Variants in DOK7 observed in about 807,000 individuals in gnomAD.
The protein encoded by DOK7 is docking protein 7.
Under a neutral mutation model 30.7 loss-of-function variants are expected in DOK7, and 32 were observed. The observed-to-expected ratio is 1.04, with a 90% confidence interval of 0.79 to 1.40. The LOEUF (loss-of-function observed/expected upper bound fraction) is 1.40. Among genes scored for constraint, DOK7 ranks in the 40% most tolerant of loss-of-function variants. DOK7 has a pLI of 0.00. For missense variants in DOK7, 1,007 were observed against 699.2 expected (o/e 1.44, Z -4.97); for synonymous variants, 447 against 324.1 (o/e 1.38, Z -4.07).
rs558795360 is a variant in DOK7, at chr4:3,501,085, C to T, written c.*260C>T. On this transcript the variant is annotated 3_prime_UTR_variant, in exon 8 of 8. Coordinates refer to the DOK7 transcript ENST00000643608. ...GGACCCCAGGCTGACTGAGGCCCTG[C>T]TTCCAGGCATCAGGCAGCTCTGGTA... 8 of 525,272 alleles carry T rather than the reference C, an allele frequency of 1.5e-5. No homozygotes were observed. The East Asian group carries it at 2.4e-4, about 15-fold the overall frequency. 32.5% of individuals were successfully genotyped at this position (525,272 alleles called of 1,614,324 possible).
At chr4:3,485,679 G>T in intron 5 of DOK7, 21 bp downstream of exon 5, 4 of 1,533,890 alleles carry the variant, frequency 2.6e-6, no homozygotes, top group African/African-American at 2.8e-5. Context: ...GAGCCTGGCC[G>T]GCCGGGGAGG....
chr4:3,478,729 C>G (rs958736399), intron 4 of DOK7, among the ~76,000 whole-genome samples: 1 of 152,214 alleles, frequency 6.6e-6, no homozygotes, highest in African/African-American at 2.4e-5. Context: ...TAGGTGGGTT[C>G]TGGAGGCCAG....
chr4:3,493,174 G>A lies in DOK7; in HGVS notation c.1188G>A (p.Gln396=), dbSNP rs1577183241. 1 of 1,608,884 alleles carries A rather than the reference G, an allele frequency of 6.2e-7. No individual in the cohort carries two copies. The highest frequency in any genetic ancestry group is 1.3e-5 in the African/African-American group (1 of 74,948). The change falls in exon 7 of 7, where the codon CAG becomes CAA. Residue 396 remains glutamine, a synonymous_variant. Coordinates refer to ENST00000340083, the MANE Select transcript of DOK7 (RefSeq NM_173660.5). ...CTCLPGTVEY[Q]VPTSLRAHYD... ...GCCTGCCCGGGACAGTCGAGTACCA[G>A]GTGCCCACCTCCCTGCGGGCCCACT...
intron 2 of DOK7, among the ~76,000 whole-genome samples, chr4:3,468,838 C>T (rs115201249): frequency 3.1e-3 from 411 of 134,510 alleles, no homozygotes; most frequent in Non-Finnish European, 5.6e-3. Context: ...TGTGTGTGTG[C>T]GTGTATGTGT....
chr4:3,478,262 G>A (rs1727225286), intron 4 of DOK7, among the ~76,000 whole-genome samples: 1 of 152,206 alleles, frequency 6.6e-6, no homozygotes, highest in African/African-American at 2.4e-5. Context: ...TGGGGACACT[G>A]GATGTTTTTC....
intron 4 of DOK7, among the ~76,000 whole-genome samples, chr4:3,479,399 T>C (rs6855656): frequency 0.29 from 43,453 of 152,200 alleles, 6,395 homozygotes; most frequent in South Asian, 0.39. Flanking sequence ...GGCCGACAAC[T>C]GGGGCCACTG....
downstream of DOK7, among the ~76,000 whole-genome samples, chr4:3,498,681 C>T (rs369797487): frequency 3.9e-5 from 6 of 152,074 alleles, no homozygotes; most frequent in Admixed American, 6.5e-5. Flanking sequence ...AGGCAGCTGG[C>T]CCTGCTGGCC....
intron 6 of DOK7, among the ~76,000 whole-genome samples, chr4:3,499,614 T>C (rs1450382130): frequency 6.6e-6 from 1 of 150,650 alleles, no homozygotes; most frequent in South Asian, 2.1e-4. Flanking sequence ...CAATGGGGTG[T>C]GCAGACAGAA....
At chr4:3,492,241 G>C (rs746991117) in intron 6 of DOK7, among the ~76,000 whole-genome samples, 1 of 151,918 alleles carries the variant, frequency 6.6e-6, no homozygotes, top group Admixed American at 6.5e-5. Context: ...AGGCAAGGAC[G>C]CCAGCATGGT....
chr4:3,489,565 G>C (rs1049538170), intron 5 of DOK7, 112 bp from the exon 6 acceptor site: 12 of 1,515,162 alleles, frequency 7.9e-6, no homozygotes, highest in Admixed American at 2.0e-5. Flanking sequence ...ACTCCCAGGG[G>C]ACTGCCACTC....
chr4:3,491,598 G>C (rs1728467633), intron 6 of DOK7, among the ~76,000 whole-genome samples: 2 of 151,250 alleles, frequency 1.3e-5, no homozygotes, highest in Non-Finnish European at 2.9e-5. Context: ...CTAAACTCTG[G>C]TCTGAGGTGC....
rs138932321 is a variant in DOK7 at position 3,470,264 on chromosome 4, G to A, written c.101-3142G>A. Reference sequence around the variant, plus strand: ...CCCTTACAAGGACACTTGCTGCTGCGTTCAGACAATCCAGGATCCTGAACT... The same window carrying A: ...CCCTTACAAGGACACTTGCTGCTGCATTCAGACAATCCAGGATCCTGAACT... On this transcript the variant is annotated intron_variant, in intron 2 of 6. Coordinates refer to ENST00000340083, the MANE Select transcript of DOK7 (RefSeq NM_173660.5). Among the ~76,000 whole-genome samples, 1,208 of 152,308 alleles carry A rather than the reference G, an allele frequency of 7.9e-3. 7 individuals carry two copies. The highest frequency in any genetic ancestry group is 0.014 in the Middle Eastern group (4 of 294).
In DOK7 at chr4:3,494,193, T is replaced by TCGGGCCCCTGGTGGGAGCTCTG. The variant is rs1728754907; in HGVS notation, c.*694_*715dup. The TCGGGCCCCTGGTGGGAGCTCTG allele has an allele frequency of 1.0e-6, 1 of 985,442 alleles. No homozygotes were observed. 61.0% of individuals were successfully genotyped at this position (985,442 alleles called of 1,614,324 possible). On this transcript the variant is annotated 3_prime_UTR_variant, in exon 7 of 7. Coordinates refer to ENST00000340083, the MANE Select transcript of DOK7 (RefSeq NM_173660.5). Reference sequence around the variant, plus strand: ...ACCCCACTGGGAGAGGCGCCGTGCCTCGGGCCCCTGGTGGGAGCTCTGCTG... The same window carrying TCGGGCCCCTGGTGGGAGCTCTG: ...ACCCCACTGGGAGAGGCGCCGTGCCTCGGGCCCCTGGTGGGAGCTCTGCGGGCCCCTGGTGGGAGCTCTGCTG...
chr4:3,469,540 C>T (rs1726629762), intron 2 of DOK7, among the ~76,000 whole-genome samples: 1 of 152,158 alleles, frequency 6.6e-6, no homozygotes, highest in African/African-American at 2.4e-5. Context: ...TCCCAGGTGC[C>T]CAGGCCTCCT....
intron 6 of DOK7, among the ~76,000 whole-genome samples, chr4:3,490,382 C>A (rs1728208695): frequency 9.6e-6 from 1 of 104,608 alleles, no homozygotes; most frequent in Non-Finnish European, 2.0e-5. Context: ...TTCCCCCCAC[C>A]CCCTGCTCAT....
chr4:3,491,046 CCTTT>C (rs1360386711), intron 6 of DOK7, among the ~76,000 whole-genome samples: 5 of 79,580 alleles, frequency 6.3e-5, no homozygotes, highest in Admixed American at 1.6e-4. Flanking sequence ...CCCATTCCTT[CCTTT>C]CTTTTCCCCC....
intron 6 of DOK7, among the ~76,000 whole-genome samples, chr4:3,491,255 G>C (rs1197191647): frequency 3.3e-5 from 3 of 89,786 alleles, no homozygotes; most frequent in African/African-American, 9.5e-5. Flanking sequence ...TTCTCCCCTT[G>C]CTCATTCATT....
intron 6 of DOK7, among the ~76,000 whole-genome samples, chr4:3,490,300 C>CCT (rs1728189052): frequency 1.2e-5 from 1 of 85,020 alleles, no homozygotes; most frequent in Non-Finnish European, 2.7e-5. Context: ...ATTTCTTCCT[C>CCT]CGCCCCCCCG....
At chr4:3,492,729 C>T (rs971287689) in intron 6 of DOK7, 30 bp from the exon 7 acceptor site, 2 of 1,610,970 alleles carry the variant, frequency 1.2e-6, no homozygotes, top group South Asian at 1.1e-5. Flanking sequence ...TGTACCCCCA[C>T]AACTGCCTTG....
Sources: gnomAD v4.1 joint callset for allele counts (sites outside exome capture counted in the v4.1 genomes callset) on GRCh38, gnomAD v4.1.1 for gene constraint, MANE v1.5 for transcripts, NCBI Gene and HGNC (gene_info 2026-07-23, HGNC 2026-07-21) for gene names.